FAT1: variants seen among roughly 807,000 people sequenced by gnomAD.
FAT1 encodes the protein protocadherin Fat 1.
FAT1 carries 171 observed loss-of-function variants against 329.8 expected under a neutral mutation model. That is an observed-to-expected ratio of 0.52 (90% CI 0.46 to 0.59). FAT1 has a LOEUF of 0.59. Ranked by LOEUF, FAT1 falls within the 20% of genes least tolerant of loss-of-function variation. FAT1 has a pLI of 0.00. For synonymous variants in FAT1, 2,233 were observed against 2,228.6 expected (o/e 1.00, Z -0.06); for missense variants, 5,672 against 5,774.4 (o/e 0.98, Z 0.57).
chr4:186,636,091 C>T lies in FAT1; in HGVS notation c.4117G>A (p.Val1373Ile), dbSNP rs772458984. 1.1e-4 allele frequency: 170 copies of T among 1,613,792 alleles called. No individual in the cohort carries two copies. The Admixed American group carries it at 1.6e-3, about 16-fold the overall frequency. Residue 1373 changes from valine (V) to isoleucine (I), a missense_variant, in exon 6 of 27, where the codon GTT becomes ATT. Val to Ile is a conservative substitution (Grantham distance 29). Transcript: ENST00000441802. ...GATATTACTCCAATCATGTGAGCAA[C>T]GGGGTCACTTTCCATCACAGTAAAG... ...FTFTVMESDP[V>I]AHMIGVISVE...
chr4:186,683,797 G>A (rs1165024961), intron 2 of FAT1, among the ~76,000 whole-genome samples: 2 of 151,958 alleles, frequency 1.3e-5, no homozygotes, highest in Admixed American at 6.6e-5. Flanking sequence ...TGCTCCCTCT[G>A]GAGTTATTAT....
chr4:186,722,437 T>C (rs758297845), intron 1 of FAT1, among the ~76,000 whole-genome samples: 9 of 152,260 alleles, frequency 5.9e-5, no homozygotes, highest in Admixed American at 2.6e-4. Flanking sequence ...CTTATACCAA[T>C]TGTTGTTTTA....
intron 5 of FAT1, 72 bp from the exon 6 acceptor site, chr4:186,636,307 G>C: frequency 7.1e-7 from 1 of 1,402,194 alleles, no homozygotes. Flanking sequence ...ATGAAGCACA[G>C]ACTGGTTTGG....
rs774568683 is a variant in FAT1, at chr4:186,618,984, G to A, written c.7602C>T (p.Asp2534=). The change falls in exon 10 of 27, where the codon GAC becomes GAT. Residue 2534 remains aspartate, a synonymous_variant. Transcript: ENST00000441802. ...YGHVTYHIVN[D]FAKDRFYINE... is the part of the protein sequence containing the mutation. ...TTATGTAAAATCTGTCTTTGGCAAA[G>A]TCATTTACAATATGGTAAGTAACGT... 3 of 1,613,978 alleles carry A rather than the reference G, an allele frequency of 1.9e-6. No homozygotes were observed. The highest frequency in any genetic ancestry group is 2.5e-6 in the Non-Finnish European group (3 of 1,179,892).
Position 186,618,028 on chromosome 4 carries a change from CTT to C in FAT1, c.8556_8557del (p.Ser2853CysfsTer5). On this transcript the variant is annotated frameshift_variant, in exon 10 of 27. Transcript: ENST00000441802. LOFTEE classifies it high-confidence loss of function. Reference sequence around the variant, plus strand: ...GGCAAAGGATTCAATGACTTCCACACTTTGTGACTGATCCAGGCTATACATAA... The same window carrying C: ...GGCAAAGGATTCAATGACTTCCACACTGTGACTGATCCAGGCTATACATAA... 1 of 1,614,034 alleles carries C rather than the reference CTT, an allele frequency of 6.2e-7. No homozygotes were observed. The highest frequency in any genetic ancestry group is 8.5e-7 in the Non-Finnish European group (1 of 1,179,896).
rs1240261435 is a variant in FAT1 at position 186,633,970 on chromosome 4, T to C, written c.4184-147A>G. The C allele has an allele frequency of 1.4e-5, 11 of 814,298 alleles. No homozygotes were observed. The Admixed American group carries it at 3.1e-4, about 23-fold the overall frequency. 50.4% of individuals were successfully genotyped at this position (814,298 alleles called of 1,614,324 possible). ...GGAGGAGCATTTTGAAAGAAAAGAGTGGCCAATTAGAAAGACAATGCTTGT... is the reference window on the plus strand; with the variant it reads ...GGAGGAGCATTTTGAAAGAAAAGAGCGGCCAATTAGAAAGACAATGCTTGT... On this transcript the variant is annotated intron_variant, in intron 6 of 26. Coordinates refer to ENST00000441802, the MANE Select transcript of FAT1 (RefSeq NM_005245.4).
At chr4:186,652,061 ACTAGT>A (rs906962673) in intron 3 of FAT1, among the ~76,000 whole-genome samples, 18 of 152,204 alleles carry the variant, frequency 1.2e-4, no homozygotes, top group African/African-American at 3.9e-4. Context: ...GGATCAAACG[ACTAGT>A]CTAAAGTCAC....
At chr4:186,625,356 C>T (rs1463716663) in intron 9 of FAT1, among the ~76,000 whole-genome samples, 1 of 152,122 alleles carries the variant, frequency 6.6e-6, no homozygotes, top group East Asian at 1.9e-4. Flanking sequence ...CAATCACAGG[C>T]AGTGTATGAG....
Position 186,588,788 on chromosome 4 carries a change from T to C in FAT1, c.13571A>G (p.Gln4524Arg), listed in dbSNP as rs1738083664. 1 of 1,614,022 alleles carries C rather than the reference T, an allele frequency of 6.2e-7. No individual in the cohort carries two copies. The highest frequency in any genetic ancestry group is 8.5e-7 in the Non-Finnish European group (1 of 1,179,884). Residue 4524 changes from glutamine (Q) to arginine (R), a missense_variant, in exon 27 of 27, where the codon CAA becomes CGA. Physicochemically the swap from Gln to Arg is conservative, Grantham distance 43. Coordinates refer to ENST00000441802, the MANE Select transcript of FAT1 (RefSeq NM_005245.4). ...GACAGCGGGCGCCTCGAAGTGTCTTTGATACCCTGGCGGGTAAGGGGCATG... is the reference window on the plus strand; with the variant it reads ...GACAGCGGGCGCCTCGAAGTGTCTTCGATACCCTGGCGGGTAAGGGGCATG... The part of the protein sequence containing the change: ...EPHAPYPPGY[Q>R]RHFEAPAVES...
intron 3 of FAT1, among the ~76,000 whole-genome samples, chr4:186,650,272 A>G (rs1425116375): frequency 1.3e-5 from 2 of 152,240 alleles, no homozygotes; most frequent in African/African-American, 4.8e-5. Context: ...TATACAAAAT[A>G]TGACACAAAT....
chr4:186,614,057 G>T, intron 12 of FAT1, 134 bp downstream of exon 12: 1 of 688,836 alleles, frequency 1.5e-6, no homozygotes, highest in Non-Finnish European at 2.3e-6. Context: ...TCTAAGAGAT[G>T]TCAACTTCGG....
rs539451308 is a variant in FAT1 at position 186,609,300 on chromosome 4, A to G, written c.10089T>C (p.Asp3363=). ...SVITVMADDA[D]GPSNSHIHYS... is the part of the protein sequence containing the mutation. ...AGTGGATGTGGCTGTTGGAAGGTCC[A>G]TCGGCATCATCGGCCATAACCTAGA... Residue 3363 remains aspartate, a synonymous_variant, in exon 16 of 27, where the codon GAT becomes GAC. Coordinates refer to ENST00000441802, the MANE Select transcript of FAT1 (RefSeq NM_005245.4). The G allele has an allele frequency of 1.5e-5, 24 of 1,614,042 alleles. No homozygotes were observed. The East Asian group carries it at 2.9e-4, about 19-fold the overall frequency.
At chr4:186,714,332 G>A (rs148151511) in intron 1 of FAT1, among the ~76,000 whole-genome samples, 4,970 of 152,188 alleles carry the variant, frequency 0.033, 122 homozygotes, top group Non-Finnish European at 0.047. Flanking sequence ...GCCAAAGACT[G>A]CTCAGCGTAG....
chr4:186,619,976 C>G lies in FAT1; in HGVS notation c.6610G>C (p.Val2204Leu), dbSNP rs750302176. ...AGGCCTTCCGGGCTGTTAGCCTGCACGTGGACCACAGGGCTGTGCACCTGG... is the reference window on the plus strand; with the variant it reads ...AGGCCTTCCGGGCTGTTAGCCTGCAGGTGGACCACAGGGCTGTGCACCTGG... ...SIQVHSPVVHVQANSPEGLKV... is the reference protein window; with the variant it reads ...SIQVHSPVVHLQANSPEGLKV... The change falls in exon 10 of 27, where the codon GTG becomes CTG. Residue 2204 changes from valine (V) to leucine (L), a missense_variant. Around this residue, in one of 2 missense-constraint regions of FAT1, gnomAD observed 3,966 missense variants for 3,915.2 expected, o/e 1.01. Transcript: ENST00000441802. 3.1e-6 allele frequency: 5 copies of G among 1,613,956 alleles called. No individual in the cohort carries two copies. Among genetic ancestry groups the G allele is most frequent in the Non-Finnish European group, 4.2e-6 (5 of 1,179,878 alleles).
At chr4:186,613,630 T>TA (rs1205730814) in intron 12 of FAT1, among the ~76,000 whole-genome samples, 8 of 152,202 alleles carry the variant, frequency 5.3e-5, no homozygotes, top group Non-Finnish European at 2.9e-5. Context: ...TACCAAAATT[T>TA]AAAAAATGTT....
intron 2 of FAT1, among the ~76,000 whole-genome samples, chr4:186,679,341 T>C (rs1031096148): frequency 1.9e-4 from 26 of 139,018 alleles, no homozygotes; most frequent in South Asian, 9.2e-4. Flanking sequence ...GGCGTGAACC[T>C]GGGAGGCGGA....
chr4:186,640,894 C>G (rs1579372333), intron 3 of FAT1, among the ~76,000 whole-genome samples: 3 of 152,198 alleles, frequency 2.0e-5, no homozygotes, highest in Non-Finnish European at 4.4e-5. Flanking sequence ...GCACCTCCGA[C>G]CTTAAAACCA....
intron 26 of FAT1, among the ~76,000 whole-genome samples, chr4:186,593,066 G>A (rs1261903278): frequency 2.0e-5 from 3 of 152,086 alleles, no homozygotes; most frequent in South Asian, 4.1e-4. Flanking sequence ...AGGCCAAAAC[G>A]ATTCTTATTT....
chr4:186,705,321 G>C (rs1446439603), intron 2 of FAT1, among the ~76,000 whole-genome samples: 1 of 151,778 alleles, frequency 6.6e-6, no homozygotes. Context: ...TCCCAGGGTG[G>C]GTGTTGACTG....
Sources: gnomAD v4.1 joint callset for allele counts (sites outside exome capture counted in the v4.1 genomes callset) on GRCh38, gnomAD v4.1.1 for gene constraint, gnomAD v4.1.1 regional missense constraint, MANE v1.5 for transcripts, NCBI Gene and HGNC (gene_info 2026-07-23, HGNC 2026-07-21) for gene names.